EIF4G2: variants seen among roughly 807,000 people sequenced by gnomAD.
EIF4G2 encodes DAP-5.
Under a neutral mutation model 117.7 loss-of-function variants are expected in EIF4G2, and 8 were observed. The observed-to-expected ratio is 0.07, with a 90% confidence interval of 0.04 to 0.12. The LOEUF (loss-of-function observed/expected upper bound fraction) is 0.12. Ranked by LOEUF, EIF4G2 falls within the 10% of genes least tolerant of loss-of-function variation. The pLI is 1.00. For synonymous variants in EIF4G2, 413 were observed against 367.8 expected (o/e 1.12, Z -1.41); for missense variants, 812 against 1,086.2 (o/e 0.75, Z 3.55).
At position 10,799,274 on chromosome 11, in the gene EIF4G2, A is replaced by G. The variant is rs1847351198; in HGVS notation, c.2475T>C (p.Asp825=). Residue 825 remains aspartate, a synonymous_variant, in exon 20 of 22, where the codon GAT becomes GAC. Transcript: ENST00000339995. ...GAGCATACAGGGCACTGACTTGTAG[A>G]TCAACGTGATCATGAAGAAATTTCT... 1 of 1,614,216 alleles carries G rather than the reference A, an allele frequency of 6.2e-7. No individual in the cohort carries two copies. Among genetic ancestry groups the G allele is most frequent in the Non-Finnish European group, 8.5e-7 (1 of 1,180,040 alleles).
At chr11:10,799,996 CAG>C in intron 18 of EIF4G2, 92 bp downstream of exon 18, 2 of 1,392,258 alleles carry the variant, frequency 1.4e-6, no homozygotes, top group South Asian at 2.7e-5. Flanking sequence ...GCAGGACAAT[CAG>C]ACTGTCTGAC....
chr11:10,802,223 T>C lies in EIF4G2; in HGVS notation c.1139-14A>G, dbSNP rs1183651877. 6 of 1,612,896 alleles carry C rather than the reference T, an allele frequency of 3.7e-6. No homozygotes were observed. Among genetic ancestry groups the C allele is most frequent in the East Asian group, 4.5e-5 (2 of 44,878 alleles). On this transcript the variant is annotated splice_polypyrimidine_tract_variant and intron_variant, in intron 12 of 21. Transcript: ENST00000339995. ...CAATTCCGCTACCTTAAAATACATA[T>C]ACGGACAACTCTCAAAACTAAAGTT...
rs140070119 is a variant in EIF4G2 at position 10,806,310 on chromosome 11, C to G, written c.108-263G>C. Reference sequence around the variant, plus strand: ...AGAATTTGCATGTCTAGTAAATATTCCCAGTATCAACGCTGTGGAACCACA... The same window carrying G: ...AGAATTTGCATGTCTAGTAAATATTGCCAGTATCAACGCTGTGGAACCACA... On this transcript the variant is annotated intron_variant, in intron 3 of 21. Coordinates refer to ENST00000339995, the MANE Select transcript of EIF4G2 (RefSeq NM_001418.4). 15 of 510,332 alleles carry G rather than the reference C, an allele frequency of 2.9e-5. No homozygotes were observed. The East Asian group carries it at 4.4e-4, about 15-fold the overall frequency. The allele number at this position is 510,332 out of a possible 1,614,324, so 31.6% of individuals were successfully genotyped here.
chr11:10,800,910 G>A (rs1590040295), intron 15 of EIF4G2, 52 bp downstream of exon 15: 1 of 1,610,800 alleles, frequency 6.2e-7, no homozygotes, highest in Non-Finnish European at 8.5e-7. Flanking sequence ...ACTAAATTTA[G>A]AAAAAAGTCT....
At chr11:10,801,877 G>T (rs1258623062) in intron 13 of EIF4G2, 103 bp from the exon 14 acceptor site, 2 of 1,242,178 alleles carry the variant, frequency 1.6e-6, no homozygotes, top group Non-Finnish European at 2.3e-6. Flanking sequence ...TAGTTTAACT[G>T]AATTTGCCCA....
rs79260740 is a variant in EIF4G2 at position 10,803,875 on chromosome 11, G to C, written c.702+24C>G. On this transcript the variant is annotated intron_variant, in intron 8 of 21. Transcript: ENST00000339995. This position sits in a 1 kb window ranked among gnomAD's most constrained non-coding sequence, Gnocchi z 4.0. ...TTCCTCCAAACGACTGACTACATTC[G>C]CCTAACTTCCCTGTCACACTTACTG... 1.9e-6 allele frequency: 3 copies of C among 1,597,620 alleles called. No homozygotes were observed. Among genetic ancestry groups the C allele is most frequent in the Admixed American group, 3.4e-5 (2 of 58,508 alleles).
rs1276524924 is a variant in EIF4G2, at chr11:10,808,887, A to G, written c.-269T>C. 1.3e-5 allele frequency: 2 copies of G among 157,174 alleles called. No individual in the cohort carries two copies. Among genetic ancestry groups the G allele is most frequent in the Non-Finnish European group, 2.8e-5 (2 of 70,256 alleles). 9.7% of individuals were successfully genotyped at this position (157,174 alleles called of 1,614,324 possible). ...GTCGCTGCTGCAGCCGCCACTCGGT[A>G]CCCGCTGCCACCTCCATAGAGCTCC... On this transcript the variant is annotated 5_prime_UTR_variant, in exon 1 of 22. Coordinates refer to ENST00000339995, the MANE Select transcript of EIF4G2 (RefSeq NM_001418.4).
Position 10,807,262 on chromosome 11 carries a change from G to T in EIF4G2, c.34C>A (p.Arg12Ser). ...AAATAAATCTACAAGTACCTGAAAC[G>T]AGAAGCACCCCCTTCTGCAATCGCA... Residue 12 changes from arginine to serine, a missense_variant, in exon 2 of 22, where the codon CGT becomes AGT. Physicochemically the swap from Arg to Ser is moderately radical, Grantham distance 110. Transcript: ENST00000339995. The T allele has an allele frequency of 6.2e-7, 1 of 1,609,954 alleles. No homozygotes were observed. The highest frequency in any genetic ancestry group is 8.5e-7 in the Non-Finnish European group (1 of 1,178,900).
rs574575071 is a variant in EIF4G2, at chr11:10,799,594, T to C, written c.2282A>G (p.Lys761Arg). ...CACAAATCCTTTATCTACATGAAGT[T>C]TGGGAGAGATGTTATCTTTAATCCA... is the stretch of plus-strand genomic sequence containing the variant. The change falls in exon 19 of 22, where the codon AAA becomes AGA. Residue 761 changes from lysine (K) to arginine (R), a missense_variant. By Grantham distance (26) the Lys-to-Arg change is conservative. This residue lies in a region of EIF4G2 where 571 missense variants were observed against 642.3 expected (regional missense o/e 0.89). Coordinates refer to ENST00000339995, the MANE Select transcript of EIF4G2 (RefSeq NM_001418.4). 1.1e-5 allele frequency: 17 copies of C among 1,614,120 alleles called. No homozygotes were observed. Among genetic ancestry groups the C allele is most frequent in the African/African-American group, 5.3e-5 (4 of 75,052 alleles).
rs1289169744 is a variant in EIF4G2 at position 10,804,147 on chromosome 11, T to C, written c.540A>G (p.Arg180=). Residue 180 remains arginine (R), a synonymous_variant, in exon 7 of 22, where the codon AGA becomes AGG. Coordinates refer to ENST00000339995, the MANE Select transcript of EIF4G2 (RefSeq NM_001418.4). ...AGCTATAAGTCTTACCATCAACATTTCTAGTTCGGTTTTCAAATTCATCTT... is the reference window on the plus strand; with the variant it reads ...AGCTATAAGTCTTACCATCAACATTCCTAGTTCGGTTTTCAAATTCATCTT... The C allele has an allele frequency of 6.2e-7, 1 of 1,614,090 alleles. No individual in the cohort carries two copies. Among genetic ancestry groups the C allele is most frequent in the African/African-American group, 1.3e-5 (1 of 74,942 alleles).
rs1847288291 is a variant in EIF4G2, at chr11:10,797,366, C to T, written c.*450G>A. On this transcript the variant is annotated 3_prime_UTR_variant, in exon 22 of 22. Coordinates refer to ENST00000339995, the MANE Select transcript of EIF4G2 (RefSeq NM_001418.4). The surrounding 1 kb of genome is among the most constrained non-coding windows in gnomAD (Gnocchi z 4.5). ...TACAGGCAATATACTATTACGGCAA[C>T]AACCATCAATTACAGTTAAGAATTT... 3 of 159,962 alleles carry T rather than the reference C, an allele frequency of 1.9e-5. No individual in the cohort carries two copies. The highest frequency in any genetic ancestry group is 1.9e-4 in the Admixed American group (3 of 16,036). 9.9% of individuals were successfully genotyped at this position (159,962 alleles called of 1,614,324 possible). A position where few individuals can be genotyped will look rare whatever the true frequency, so the allele number is the denominator to read the frequency against.
intron 1 of EIF4G2, 117 bp downstream of exon 1, chr11:10,808,588 G>C (rs1302504268): frequency 4.5e-6 from 4 of 882,708 alleles, no homozygotes; most frequent in Admixed American, 1.2e-4. Context: ...TGCTAAAAAA[G>C]GGTCGCCCCA....
chr11:10,801,774 C>A lies in EIF4G2; in HGVS notation c.1300G>T (p.Gly434Trp). 6.2e-7 allele frequency: 1 copy of A among 1,612,012 alleles called. No individual in the cohort carries two copies. The highest frequency in any genetic ancestry group is 8.5e-7 in the Non-Finnish European group (1 of 1,179,404). Reference sequence around the variant, plus strand: ...TGGTTATGGTAGAGCTGGCTTAGCCCCTATTTCAGAAAAGGAGAAAGAAAG... The same window carrying A: ...TGGTTATGGTAGAGCTGGCTTAGCCACTATTTCAGAAAAGGAGAAAGAAAG... Residue 434 changes from glycine (G) to tryptophan (W), a missense_variant and splice_region_variant, in exon 14 of 22, where the codon GGG (glycine) becomes TGG (tryptophan). By Grantham distance (184) the Gly-to-Trp change is radical. Around this residue, in one of 4 missense-constraint regions of EIF4G2, gnomAD observed 571 missense variants for 642.3 expected, o/e 0.89. Coordinates refer to ENST00000339995, the MANE Select transcript of EIF4G2 (RefSeq NM_001418.4).
chr11:10,807,856 G>A (rs974655464), intron 1 of EIF4G2: 2 of 986,446 alleles, frequency 2.0e-6, no homozygotes, highest in Non-Finnish European at 2.4e-6. Flanking sequence ...ACGCGCGAGA[G>A]GGGGCCGGGT....
Position 10,797,919 on chromosome 11 carries a change from TATAAAC to T in EIF4G2, c.2659-44_2659-39del. The T allele has an allele frequency of 6.3e-7, 1 of 1,597,368 alleles. No individual in the cohort carries two copies. The highest frequency in any genetic ancestry group is 8.6e-7 in the Non-Finnish European group (1 of 1,167,840). Reference sequence around the variant, plus strand: ...ATTTGTAAATTAAAATAGTTCATGATATAAACAGAAATCCATCCAAAAAGTTTTAGG... The same window carrying T: ...ATTTGTAAATTAAAATAGTTCATGATAGAAATCCATCCAAAAAGTTTTAGG... On this transcript the variant is annotated intron_variant, in intron 21 of 21. Coordinates refer to ENST00000339995, the MANE Select transcript of EIF4G2 (RefSeq NM_001418.4). The surrounding 1 kb of genome is among the most constrained non-coding windows in gnomAD (Gnocchi z 4.5).
Position 10,804,355 on chromosome 11 carries a change from A to G in EIF4G2, c.415T>C (p.Leu139=), listed in dbSNP as rs1847502229. 3 of 1,614,096 alleles carry G rather than the reference A, an allele frequency of 1.9e-6. No individual in the cohort carries two copies. The highest frequency in any genetic ancestry group is 1.7e-5 in the Admixed American group (1 of 59,994). Residue 139 remains leucine, a synonymous_variant, in exon 6 of 22, where the codon TTG becomes CTG. Coordinates refer to ENST00000339995, the MANE Select transcript of EIF4G2 (RefSeq NM_001418.4). ...TCAAAGTTTGGTGCATCTTCTGCCA[A>G]TCGCAGACATAGCTGAGCATACAGT...
In EIF4G2 at chr11:10,807,278, T is replaced by C. The variant is rs769850396; in HGVS notation, c.18A>G (p.Ala6=). 7 of 1,612,896 alleles carry C rather than the reference T, an allele frequency of 4.3e-6. No homozygotes were observed. The highest frequency in any genetic ancestry group is 5.9e-6 in the Non-Finnish European group (7 of 1,179,732). Residue 6 remains alanine, a synonymous_variant, in exon 2 of 22, where the codon GCA becomes GCG. Coordinates refer to ENST00000339995, the MANE Select transcript of EIF4G2 (RefSeq NM_001418.4). Reference sequence around the variant, plus strand: ...ACCTGAAACGAGAAGCACCCCCTTCTGCAATCGCACTCTCCACTTTGGCGG... The same window carrying C: ...ACCTGAAACGAGAAGCACCCCCTTCCGCAATCGCACTCTCCACTTTGGCGG...
chr11:10,806,755 G>T, intron 3 of EIF4G2, 65 bp downstream of exon 3: 3 of 1,567,880 alleles, frequency 1.9e-6, no homozygotes, highest in Non-Finnish European at 2.6e-6. Context: ...TAATTATACC[G>T]TCACATGGGA....
chr11:10,797,766 A>G lies in EIF4G2; in HGVS notation c.*50T>C. 1 of 1,578,618 alleles carries G rather than the reference A, an allele frequency of 6.3e-7. No individual in the cohort carries two copies. The highest frequency in any genetic ancestry group is 8.7e-7 in the Non-Finnish European group (1 of 1,150,242). On this transcript the variant is annotated 3_prime_UTR_variant, in exon 22 of 22. Coordinates refer to ENST00000339995, the MANE Select transcript of EIF4G2 (RefSeq NM_001418.4). The surrounding 1 kb of genome is among the most constrained non-coding windows in gnomAD (Gnocchi z 4.5). ...CGCAGTGGTTAGGTCAAATGCAGTTACATCATAGCAACAGTATGTTTTGCA... is the reference window on the plus strand; with the variant it reads ...CGCAGTGGTTAGGTCAAATGCAGTTGCATCATAGCAACAGTATGTTTTGCA...
Sources: allele counts gnomAD v4.1 joint callset, GRCh38; gene constraint gnomAD v4.1.1; regional missense constraint gnomAD v4.1.1; non-coding constraint Gnocchi (gnomAD v3.1); transcripts MANE v1.5; gene names NCBI Gene and HGNC (gene_info 2026-07-23, HGNC 2026-07-21).